Variants in FMN1 observed in about 807,000 individuals in gnomAD.
The protein encoded by FMN1 is formin 1.
In FMN1, 110 loss-of-function variants were observed where a neutral mutation model predicts 132.4. That is an observed-to-expected ratio of 0.83 (90% confidence interval 0.71 to 0.97). The LOEUF is 0.97. Ranked by LOEUF, FMN1 falls within the 50% of genes least tolerant of loss-of-function variation. FMN1 has a pLI of 0.00. For missense variants in FMN1, 1,792 were observed against 1,705.3 expected (o/e 1.05, Z -0.90); for synonymous variants, 722 against 651.7 (o/e 1.11, Z -1.64).
chr15:33,127,842 T>C (rs930004487), intron 4 of FMN1, among the ~76,000 whole-genome samples: 6 of 152,296 alleles, frequency 3.9e-5, no homozygotes, highest in African/African-American at 1.2e-4. Context: ...AAAATTCTGT[T>C]GGTAAGAGAG....
At chr15:32,908,065 GCA>G (rs1041091706) in intron 12 of FMN1, 2 of 161,130 alleles carry the variant, frequency 1.2e-5, no homozygotes, top group African/African-American at 4.8e-5. Flanking sequence ...GGAAAAGCTA[GCA>G]CATTCAGGCT....
chr15:33,067,268 G>A lies in FMN1; in HGVS notation c.2044-2194C>T, dbSNP rs900147950. ...GCTCATCTCAGGTGGAATCCTTTGA[G>A]GATCTTCTGCACAGAGCTCTGCACC... On this transcript the variant is annotated intron_variant, in intron 5 of 20. Transcript: ENST00000616417. The A allele has an allele frequency of 7.4e-6, 12 of 1,613,414 alleles. No individual in the cohort carries two copies. The highest frequency in any genetic ancestry group is 1.3e-5 in the African/African-American group (1 of 74,916).
At chr15:33,038,391 C>T (rs1434958826) in intron 6 of FMN1, among the ~76,000 whole-genome samples, 2 of 152,172 alleles carry the variant, frequency 1.3e-5, no homozygotes, top group Admixed American at 6.5e-5. Flanking sequence ...GGTTCTTTTT[C>T]ATCCCTTCAA....
intron 19 of FMN1, among the ~76,000 whole-genome samples, chr15:32,778,287 TATA>T (rs2056556500): frequency 1.4e-5 from 2 of 145,132 alleles, no homozygotes; most frequent in African/African-American, 2.5e-5. Flanking sequence ...TATATATATA[TATA>T]TTTTTTTGAG....
chr15:33,120,115 G>A (rs958789384), intron 4 of FMN1, among the ~76,000 whole-genome samples: 6 of 152,198 alleles, frequency 3.9e-5, no homozygotes, highest in African/African-American at 1.4e-4. Flanking sequence ...TCAGGACTCT[G>A]ACATCTATTT....
intron 4 of FMN1, among the ~76,000 whole-genome samples, chr15:33,123,259 T>G (rs1035489465): frequency 1.3e-5 from 2 of 152,102 alleles, no homozygotes; most frequent in African/African-American, 4.8e-5. Context: ...TCCACTCTGC[T>G]GCTTAATCTT....
At chr15:33,053,676 A>T (rs1013797809) in intron 6 of FMN1, among the ~76,000 whole-genome samples, 1 of 151,640 alleles carries the variant, frequency 6.6e-6, no homozygotes, top group Non-Finnish European at 1.5e-5. Flanking sequence ...CACAGACCTA[A>T]AAAAAAAATG....
chr15:32,795,575 T>C (rs762826878), intron 19 of FMN1, among the ~76,000 whole-genome samples: 17 of 147,394 alleles, frequency 1.2e-4, no homozygotes, highest in Non-Finnish European at 1.5e-4. Flanking sequence ...CAAGATCACA[T>C]AGCCAATTAA....
At chr15:33,017,162 G>A (rs2035099579) in intron 6 of FMN1, among the ~76,000 whole-genome samples, 1 of 151,466 alleles carries the variant, frequency 6.6e-6, no homozygotes, top group African/African-American at 2.4e-5. Flanking sequence ...TGGTTGCCAA[G>A]GCCTTGGGAG....
At chr15:33,079,075 C>G (rs1044471901) in intron 5 of FMN1, among the ~76,000 whole-genome samples, 1 of 152,096 alleles carries the variant, frequency 6.6e-6, no homozygotes, top group Admixed American at 6.6e-5. Context: ...TAGAAAAATT[C>G]CTCATCATTT....
At chr15:32,968,392 C>T (rs549076581) in intron 8 of FMN1, among the ~76,000 whole-genome samples, 1 of 152,292 alleles carries the variant, frequency 6.6e-6, no homozygotes, top group East Asian at 1.9e-4. Context: ...TTTATGATTA[C>T]TAATCAATTG....
chr15:32,985,504 G>A (rs2033008936), intron 7 of FMN1, among the ~76,000 whole-genome samples: 1 of 152,092 alleles, frequency 6.6e-6, no homozygotes, highest in Non-Finnish European at 1.5e-5. Context: ...AAGCTATAGT[G>A]CCCACGACTA....
At chr15:32,835,731 C>G (rs891577437) in intron 17 of FMN1, among the ~76,000 whole-genome samples, 1 of 152,062 alleles carries the variant, frequency 6.6e-6, no homozygotes, top group Non-Finnish European at 1.5e-5. Context: ...AGGAAGATTC[C>G]CAGTGGTAAA....
chr15:33,069,999 T>G (rs1444823120), intron 5 of FMN1, among the ~76,000 whole-genome samples: 1 of 126,692 alleles, frequency 7.9e-6, no homozygotes, highest in African/African-American at 3.1e-5. Flanking sequence ...TTCTCTTTTT[T>G]TTTTTTTTTT....
At chr15:33,007,574 T>C (rs1338156921) in intron 7 of FMN1, among the ~76,000 whole-genome samples, 2 of 152,086 alleles carry the variant, frequency 1.3e-5, no homozygotes, top group Admixed American at 6.6e-5. Flanking sequence ...CTCCACCTCC[T>C]AGGGCTCCTT....
At chr15:32,928,353 C>G (rs147845991) in intron 9 of FMN1, among the ~76,000 whole-genome samples, 5 of 151,462 alleles carry the variant, frequency 3.3e-5, no homozygotes, top group Non-Finnish European at 7.4e-5. Flanking sequence ...AAGCATAATA[C>G]AATATCTTCC....
intron 12 of FMN1, among the ~76,000 whole-genome samples, chr15:32,903,711 T>C (rs967674292): frequency 2.0e-5 from 3 of 152,182 alleles, no homozygotes; most frequent in Admixed American, 1.3e-4. Context: ...AATAGTTACC[T>C]ATAACTAATC....
rs151162927 is a variant in FMN1 at position 32,913,394 on chromosome 15, C to T, written c.3227-2859G>A. 5.3e-5 allele frequency among the ~76,000 whole-genome samples: 8 copies of T among 152,256 alleles called. No individual in the cohort carries two copies. The East Asian group carries it at 1.5e-3, about 29-fold the overall frequency. Reference sequence around the variant, plus strand: ...CATACCTCCAATATCTTCCTTTAAACACTCGGCGAAGTCTAAACTCCTTGG... The same window carrying T: ...CATACCTCCAATATCTTCCTTTAAATACTCGGCGAAGTCTAAACTCCTTGG... On this transcript the variant is annotated intron_variant, in intron 10 of 20. Coordinates refer to ENST00000616417, the MANE Select transcript of FMN1 (RefSeq NM_001277313.2).
At chr15:32,801,786 C>A (rs1252888414) in intron 18 of FMN1, among the ~76,000 whole-genome samples, 2 of 151,604 alleles carry the variant, frequency 1.3e-5, no homozygotes, top group South Asian at 2.1e-4. Context: ...CAGAATGAGA[C>A]TCCGTCTCAA....
Sources: gnomAD v4.1 joint callset for allele counts (sites outside exome capture counted in the v4.1 genomes callset) on GRCh38, gnomAD v4.1.1 for gene constraint, MANE v1.5 for transcripts, NCBI Gene and HGNC (gene_info 2026-07-23, HGNC 2026-07-21) for gene names.